Variants in PMM2 observed in about 807,000 individuals in gnomAD.
PMM2 encodes phosphomannomutase 2.
PMM2 carries 35 observed loss-of-function variants against 33.2 expected under a neutral mutation model. The ratio of observed to expected loss-of-function variants is 1.06; its 90% CI spans 0.81 to 1.40. The LOEUF (loss-of-function observed/expected upper bound fraction) is 1.40, where lower values mean the gene tolerates loss of function less well. PMM2 is among the 40% of genes most tolerant of loss of function. PMM2 has a pLI of 0.00. For missense variants in PMM2, 386 were observed against 306.0 expected, an observed-to-expected ratio of 1.26 and a Z score of -1.95; for synonymous variants, 153 against 114.7, an observed-to-expected ratio of 1.33 and a Z score of -2.13.
chr16:8,830,860 C>T (rs950814570), intron 7 of PMM2, among the ~76,000 whole-genome samples: 6 of 152,162 alleles, frequency 3.9e-5, no homozygotes, highest in Non-Finnish European at 5.9e-5. Flanking sequence ...AACTATAGGC[C>T]GGGCAGGGTG....
At chr16:8,812,379 TC>T (rs141459109) in intron 6 of PMM2, among the ~76,000 whole-genome samples, 3,309 of 152,310 alleles carry the variant, frequency 0.022, 116 homozygotes, top group African/African-American at 0.074. Context: ...GAGTCATTGC[TC>T]AAAGCCTCCT....
rs187165011 is a variant in PMM2, at chr16:8,833,813, T to A, written c.640-13911T>A. Among the ~76,000 whole-genome samples, 130 of 152,194 alleles carry A rather than the reference T, an allele frequency of 8.5e-4. 2 individuals carry two copies. The highest frequency in any genetic ancestry group is 8.4e-3 in the Admixed American group (129 of 15,286). On this transcript the variant is annotated intron_variant, in intron 7 of 7. Transcript: ENST00000268261. ...AATTGGGAGGACCTATGACATCTGA[T>A]TAGAGAGTGCCTAAGGAGATTCAGC...
chr16:8,837,938 A>C (rs936078780), intron 7 of PMM2, among the ~76,000 whole-genome samples: 3 of 152,094 alleles, frequency 2.0e-5, no homozygotes, highest in African/African-American at 4.8e-5. Context: ...CAGAAAATGA[A>C]AGGAATTGAA....
chr16:8,810,827 A>G (rs1236240356), intron 4 of PMM2: 2 of 537,510 alleles, frequency 3.7e-6, no homozygotes, highest in Non-Finnish European at 3.4e-6. Context: ...TCAATATACA[A>G]CATGATTGAT....
intron 7 of PMM2, among the ~76,000 whole-genome samples, chr16:8,836,628 TGAG>T (rs1241900973): frequency 2.0e-5 from 3 of 152,006 alleles, no homozygotes; most frequent in Non-Finnish European, 4.4e-5. Flanking sequence ...ACCTTGAAGG[TGAG>T]GTTAGTTAAG....
intron 6 of PMM2, 139 bp from the exon 7 acceptor site, chr16:8,812,852 T>C (rs139837112): frequency 5.7e-6 from 4 of 701,822 alleles, no homozygotes; most frequent in Admixed American, 2.0e-5. Flanking sequence ...CATGAAGTAG[T>C]CTAAGTAGCA....
chr16:8,812,007 C>T (rs1011796085), intron 6 of PMM2, among the ~76,000 whole-genome samples: 3 of 152,218 alleles, frequency 2.0e-5, no homozygotes, highest in Non-Finnish European at 4.4e-5. Flanking sequence ...ACTTTGATTA[C>T]TAAAGAGTAG....
intron 7 of PMM2, among the ~76,000 whole-genome samples, chr16:8,833,145 A>G (rs916880247): frequency 7.2e-5 from 11 of 152,330 alleles, no homozygotes; most frequent in African/African-American, 1.4e-4. Flanking sequence ...AAAGAGAGTC[A>G]GCAAAGGGTG....
At chr16:8,824,522 G>C (rs974578495) in intron 7 of PMM2, among the ~76,000 whole-genome samples, 1 of 152,098 alleles carries the variant, frequency 6.6e-6, no homozygotes, top group African/African-American at 2.4e-5. Context: ...ACACAATTTT[G>C]TAACACATAC....
chr16:8,815,682 G>A (rs1386537933), intron 7 of PMM2, among the ~76,000 whole-genome samples: 3 of 152,148 alleles, frequency 2.0e-5, no homozygotes, highest in Non-Finnish European at 2.9e-5. Flanking sequence ...ATCTACCCAT[G>A]GATTAAAGAC....
intron 7 of PMM2, among the ~76,000 whole-genome samples, chr16:8,825,690 C>T (rs1317774650): frequency 1.3e-5 from 2 of 151,812 alleles, no homozygotes; most frequent in African/African-American, 4.8e-5. Flanking sequence ...GTAACATTTT[C>T]GTAAACCTTT....
intron 7 of PMM2, among the ~76,000 whole-genome samples, chr16:8,826,449 G>A (rs2060768594): frequency 6.6e-6 from 1 of 152,130 alleles, no homozygotes; most frequent in Non-Finnish European, 1.5e-5. Context: ...GCCTTATCTG[G>A]AATCTAATGG....
At chr16:8,827,753 TA>T in intron 7 of PMM2, among the ~76,000 whole-genome samples, 1 of 88,834 alleles carries the variant, frequency 1.1e-5, no homozygotes. Context: ...TATATATATA[TA>T]TATATATGCA....
At chr16:8,816,860 A>G (rs950624467) in intron 7 of PMM2, among the ~76,000 whole-genome samples, 1 of 152,232 alleles carries the variant, frequency 6.6e-6, no homozygotes, top group African/African-American at 2.4e-5. Flanking sequence ...CCTCAAATTA[A>G]AAATAGAACT....
At chr16:8,805,937 G>C (rs1478905773) in intron 3 of PMM2, among the ~76,000 whole-genome samples, 1 of 152,156 alleles carries the variant, frequency 6.6e-6, no homozygotes, top group Non-Finnish European at 1.5e-5. Context: ...GTAGTAGTAA[G>C]ATCATTCTAT....
chr16:8,799,996 C>T (rs1378681480), intron 1 of PMM2, among the ~76,000 whole-genome samples: 2 of 152,184 alleles, frequency 1.3e-5, no homozygotes. Flanking sequence ...AAAGAAAAAT[C>T]ATTGAACTCC....
At chr16:8,800,918 G>C (rs2060612507) in intron 1 of PMM2, among the ~76,000 whole-genome samples, 1 of 152,182 alleles carries the variant, frequency 6.6e-6, no homozygotes, top group Admixed American at 6.6e-5. Context: ...TCTGACCTCA[G>C]GTGATCCACC....
intron 7 of PMM2, among the ~76,000 whole-genome samples, chr16:8,819,528 TA>T (rs2060725365): frequency 6.6e-6 from 1 of 151,798 alleles, no homozygotes. Context: ...TATTGAAAAA[TA>T]AAATTTTTAA....
intron 7 of PMM2, among the ~76,000 whole-genome samples, chr16:8,843,346 C>T (rs940955269): frequency 2.6e-5 from 4 of 152,140 alleles, no homozygotes; most frequent in African/African-American, 9.7e-5. Flanking sequence ...GATTGGGCAG[C>T]GTCAATCTTC....
Sources: allele counts gnomAD v4.1 joint callset (sites outside exome capture counted in the v4.1 genomes callset), GRCh38; gene constraint gnomAD v4.1.1; transcripts MANE v1.5; gene names NCBI Gene and HGNC (gene_info 2026-07-23, HGNC 2026-07-21).